Variants in ANKRD28 observed in about 807,000 individuals in gnomAD.
ANKRD28 encodes serine/threonine-protein phosphatase 6 regulatory ankyrin repeat subunit A.
ANKRD28 carries 44 observed loss-of-function variants against 126.5 expected under a neutral mutation model. The ratio of observed to expected loss-of-function variants is 0.35; its 90% CI spans 0.27 to 0.45. ANKRD28 has a LOEUF of 0.45. Ranked by LOEUF, ANKRD28 falls within the 20% of genes least tolerant of loss-of-function variation. The pLI, the probability that ANKRD28 is intolerant of heterozygous loss-of-function variation, is 1.00. For synonymous variants in ANKRD28, 442 were observed against 468.5 expected, an observed-to-expected ratio of 0.94 and a Z score of 0.73; for missense variants, 1,110 against 1,316.6, an observed-to-expected ratio of 0.84 and a Z score of 2.43.
intron 8 of ANKRD28, among the ~76,000 whole-genome samples, chr3:15,717,475 C>A (rs2073204864): frequency 6.6e-6 from 1 of 151,648 alleles, no homozygotes; most frequent in Admixed American, 6.6e-5. Flanking sequence ...GTGGAGTTTT[C>A]TTTTTCTTAA....
chr3:15,674,196 A>AAAAAAAAAGAAG (rs1470515364), intron 27 of ANKRD28, among the ~76,000 whole-genome samples: 9 of 130,070 alleles, frequency 6.9e-5, no homozygotes, highest in African/African-American at 2.3e-4. Context: ...AAAAAAAAAA[A>AAAAAAAAAGAAG]AAGAAGAAGA....
chr3:15,676,069 A>G (rs2066905528), intron 26 of ANKRD28, 80 bp from the exon 27 acceptor site: 13 of 1,214,534 alleles, frequency 1.1e-5, no homozygotes, highest in Non-Finnish European at 1.5e-5. Context: ...GTCAAAGAGC[A>G]TTTTTGTCAA....
chr3:15,739,627 T>C (rs1345007477), intron 4 of ANKRD28, among the ~76,000 whole-genome samples: 2 of 152,310 alleles, frequency 1.3e-5, no homozygotes, highest in South Asian at 4.1e-4. Context: ...TCAAGTATGC[T>C]ATAAAGCACA....
In ANKRD28 at chr3:15,713,594, T is replaced by G; in HGVS notation, c.1123A>C (p.Ile375Leu). Residue 375 changes from isoleucine (I) to leucine (L), a missense_variant, in exon 10 of 28, where the codon ATA (isoleucine) becomes CTA (leucine). Coordinates refer to ENST00000683139, the MANE Select transcript of ANKRD28 (RefSeq NM_001349278.2). ...AGCTCATGGCCATACCGTGCTGCTA[T>G]GTGCAAAGGGGTATTTCCATTCTTA... The part of the protein sequence containing the change: ...EDKNGNTPLH[I>L]AARYGHELLI... The G allele has an allele frequency of 6.2e-6, 10 of 1,610,644 alleles. No homozygotes were observed. The highest frequency in any genetic ancestry group is 8.5e-6 in the Non-Finnish European group (10 of 1,178,830).
intron 8 of ANKRD28, among the ~76,000 whole-genome samples, chr3:15,719,457 A>C (rs897923788): frequency 4.6e-5 from 7 of 152,232 alleles, no homozygotes; most frequent in African/African-American, 1.7e-4. Flanking sequence ...ACAACTAACG[A>C]ATTCTAAAAA....
At chr3:15,674,188 A>AAAAAAAAAAAG in intron 27 of ANKRD28, among the ~76,000 whole-genome samples, 1 of 150,088 alleles carries the variant, frequency 6.7e-6, no homozygotes, top group Non-Finnish European at 1.5e-5. Context: ...AAAAAAAAAA[A>AAAAAAAAAAAG]AAAAAAAAAA....
At position 15,793,122 on chromosome 3, in the gene ANKRD28, A is replaced by G. The variant is rs1473077710; in HGVS notation, c.201+2101T>C. On this transcript the variant is annotated intron_variant, in intron 2 of 27. Coordinates refer to ENST00000683139, the MANE Select transcript of ANKRD28 (RefSeq NM_001349278.2). ...TCCAAATACTTATTTAAATAAATTTACTTTGGAAAAACACGACTGTCACAC... is the reference window on the plus strand; with the variant it reads ...TCCAAATACTTATTTAAATAAATTTGCTTTGGAAAAACACGACTGTCACAC... Among the ~76,000 whole-genome samples the G allele has an allele frequency of 3.3e-5, 5 of 152,224 alleles. No individual in the cohort carries two copies. In the East Asian group the frequency reaches 7.7e-4, roughly 23 times the overall value.
intron 1 of ANKRD28, among the ~76,000 whole-genome samples, chr3:15,850,202 A>ATATATATATATATATATATATAT (rs1455598240): frequency 9.1e-5 from 5 of 55,110 alleles, no homozygotes; most frequent in Non-Finnish European, 1.2e-4. Flanking sequence ...AAAAAAAAAA[A>ATATATATATATATATATATATAT]AAATATATAT....
intron 15 of ANKRD28, among the ~76,000 whole-genome samples, chr3:15,695,424 C>A (rs181670973): frequency 6.6e-6 from 1 of 152,032 alleles, no homozygotes; most frequent in African/African-American, 2.4e-5. Flanking sequence ...ATATCCATAA[C>A]GTAGGAAAAT....
chr3:15,678,482 C>T lies in ANKRD28; in HGVS notation c.2562-128G>A, dbSNP rs144780656. On this transcript the variant is annotated intron_variant, in intron 23 of 27. Transcript: ENST00000683139. ...TTAGGCTACAAAAGCACTGCCTGTA[C>T]ACAAACAAATAGGCTCAATGGAGCT... is the stretch of plus-strand genomic sequence containing the variant. The T allele has an allele frequency of 8.2e-3, 6,336 of 771,100 alleles. 34 individuals carry two copies. The highest frequency in any genetic ancestry group is 9.6e-3 in the Non-Finnish European group (5,008 of 523,126). 47.8% of individuals were successfully genotyped at this position (771,100 alleles called of 1,614,324 possible).
intron 3 of ANKRD28, among the ~76,000 whole-genome samples, chr3:15,763,209 C>A (rs1408577781): frequency 6.6e-6 from 1 of 152,174 alleles, no homozygotes; most frequent in African/African-American, 2.4e-5. Flanking sequence ...AGTCTAAGAC[C>A]CTGAGTTGCA....
At chr3:15,742,609 G>C in intron 4 of ANKRD28, among the ~76,000 whole-genome samples, 1 of 80 alleles carries the variant, frequency 0.013, no homozygotes, top group African/African-American at 0.05. Flanking sequence ...GGGAGGTGGG[G>C]GTCAGCCCCC....
At chr3:15,694,482 A>C (rs2069244701) in intron 17 of ANKRD28, among the ~76,000 whole-genome samples, 1 of 151,820 alleles carries the variant, frequency 6.6e-6, no homozygotes, top group Admixed American at 6.6e-5. Context: ...CTCTCCCCAG[A>C]AGGCCCTGGG....
intron 1 of ANKRD28, 140 bp downstream of exon 1, chr3:15,796,265 A>G (rs573795360): frequency 1.5e-5 from 5 of 329,380 alleles, no homozygotes; most frequent in Non-Finnish European, 2.5e-5. Flanking sequence ...ATACAAAAAT[A>G]CTGCATCATA....
intron 5 of ANKRD28, among the ~76,000 whole-genome samples, chr3:15,736,454 C>T (rs79019735): frequency 0.019 from 2,933 of 152,224 alleles, 98 homozygotes; most frequent in African/African-American, 0.066. Context: ...TGTTACTTTA[C>T]CTATAAGTTC....
chr3:15,753,081 G>A (rs2057956414), intron 3 of ANKRD28, among the ~76,000 whole-genome samples: 1 of 152,232 alleles, frequency 6.6e-6, no homozygotes, highest in South Asian at 2.1e-4. Context: ...TCTGTGGGCA[G>A]TGGCAGTGAG....
intron 3 of ANKRD28, among the ~76,000 whole-genome samples, chr3:15,762,216 A>AAC (rs1559489265): frequency 3.8e-4 from 15 of 39,636 alleles, no homozygotes; most frequent in Non-Finnish European, 1.2e-3. Context: ...AAAAAAAACA[A>AAC]AACAAAAAAA....
At chr3:15,844,744 TGAA>T (rs1235838903) in intron 1 of ANKRD28, among the ~76,000 whole-genome samples, 3 of 152,186 alleles carry the variant, frequency 2.0e-5, no homozygotes, top group Non-Finnish European at 4.4e-5. Context: ...TAAATTTAAG[TGAA>T]GATGATATAC....
Position 15,814,446 on chromosome 3 carries a change from T to G in ANKRD28, c.28-19140A>C, listed in dbSNP as rs990623832. 1.3e-5 allele frequency: 4 copies of G among 312,174 alleles called. No homozygotes were observed. Among genetic ancestry groups the G allele is most frequent in the Middle Eastern group, 4.5e-4 (1 of 2,246 alleles). 19.3% of individuals were successfully genotyped at this position (312,174 alleles called of 1,614,324 possible). On this transcript the variant is annotated intron_variant, in intron 1 of 27. Transcript: ENST00000399451. This position sits in a 1 kb window ranked among gnomAD's most constrained non-coding sequence, Gnocchi z 4.7. ...ATTCAAAAACTTACTTTGGATTTTA[T>G]TAATTCAGAATTTACTTTTATCCTT...
Sources: allele counts gnomAD v4.1 joint callset (sites outside exome capture counted in the v4.1 genomes callset), GRCh38; gene constraint gnomAD v4.1.1; non-coding constraint Gnocchi (gnomAD v3.1); transcripts MANE v1.5; gene names NCBI Gene and HGNC (gene_info 2026-07-23, HGNC 2026-07-21).